Variants in DCAF6 observed in about 807,000 individuals in gnomAD.
DCAF6 encodes the protein DDB1 and CUL4 associated factor 6.
In DCAF6, 54 loss-of-function variants were observed where a neutral mutation model predicts 125.1. That is an observed-to-expected ratio of 0.43 (90% confidence interval 0.35 to 0.54). DCAF6 has a LOEUF of 0.54. Ranked by LOEUF, DCAF6 falls within the 20% of genes least tolerant of loss-of-function variation. The pLI, the probability that DCAF6 is intolerant of heterozygous loss-of-function variation, is 0.01. For synonymous variants in DCAF6, 371 were observed against 390.4 expected (o/e 0.95, Z 0.58); for missense variants, 934 against 1,161.7 (o/e 0.80, Z 2.85).
intron 11 of DCAF6, among the ~76,000 whole-genome samples, chr1:168,019,142 G>A (rs145213378): frequency 6.6e-6 from 1 of 151,430 alleles, no homozygotes; most frequent in African/African-American, 2.4e-5. Flanking sequence ...TCCACCTCCC[G>A]GGTTCAAGTG....
At chr1:167,883,411 G>A in the DCAF6 span, 5 of 1,611,754 alleles carry the variant, frequency 3.1e-6, no homozygotes, top group South Asian at 5.5e-5. Context: ...CTATTGGTAG[G>A]TTCCCATCCC....
intron 1 of DCAF6, among the ~76,000 whole-genome samples, chr1:167,947,472 G>A (rs1220996319): frequency 2.0e-5 from 3 of 151,554 alleles, no homozygotes; most frequent in African/African-American, 4.8e-5. Flanking sequence ...TTATTAACTT[G>A]TAATCTTTCT....
At chr1:168,015,619 A>C (rs1252399137) in intron 10 of DCAF6, among the ~76,000 whole-genome samples, 162 bp from the exon 11 acceptor site, 7 of 152,208 alleles carry the variant, frequency 4.6e-5, no homozygotes, top group Non-Finnish European at 1.0e-4. Context: ...ATTGTCTCAT[A>C]ATTTAATGAC....
At chr1:167,898,201 G>T in the DCAF6 span, among the ~76,000 whole-genome samples, 3 of 151,530 alleles carry the variant, frequency 2.0e-5, no homozygotes, top group African/African-American at 7.3e-5. Flanking sequence ...GTTAACATTA[G>T]GGGAAGGTAG....
At chr1:167,966,257 T>G (rs1354466469) in intron 2 of DCAF6, among the ~76,000 whole-genome samples, 2 of 152,240 alleles carry the variant, frequency 1.3e-5, no homozygotes, top group African/African-American at 2.4e-5. Context: ...GGAAGCTTGT[T>G]TTTTTAATAC....
intron 3 of DCAF6, chr1:167,969,224 T>C (rs1258948113): frequency 6.6e-6 from 1 of 152,192 alleles, no homozygotes; most frequent in Admixed American, 6.5e-5. Flanking sequence ...GATGTTTGAA[T>C]GGGCCTGGCT....
chr1:167,971,467 GT>G (rs1571732614), intron 3 of DCAF6, among the ~76,000 whole-genome samples: 1 of 152,058 alleles, frequency 6.6e-6, no homozygotes, highest in Non-Finnish European at 1.5e-5. Context: ...CTCAGACAGG[GT>G]TATGGGTCAG....
chr1:168,002,443 TTTAGACTTACATAGAA>T, intron 7 of DCAF6, 23 bp from the exon 8 acceptor site: 2 of 1,572,754 alleles, frequency 1.3e-6, no homozygotes, highest in Non-Finnish European at 1.7e-6. Context: ...GTAGATGAGT[TTTAGACTTACATAGAA>T]TTTACCCGTT....
At chr1:167,939,759 C>T (rs1424386895) in intron 1 of DCAF6, among the ~76,000 whole-genome samples, 5 of 132,952 alleles carry the variant, frequency 3.8e-5, no homozygotes, top group Non-Finnish European at 6.6e-5. Flanking sequence ...GGAAACTCTG[C>T]GTCATAAATA....
chr1:167,875,565 C>T, the DCAF6 span, among the ~76,000 whole-genome samples: 26 of 152,350 alleles, frequency 1.7e-4, no homozygotes, highest in Non-Finnish European at 3.7e-4. Context: ...AATAATAGCG[C>T]GCCTTTTATT....
At chr1:167,901,558 C>T in the DCAF6 span, 1 of 1,209,488 alleles carries the variant, frequency 8.3e-7, no homozygotes, top group Non-Finnish European at 1.2e-6. Context: ...CATCATGGGG[C>T]TGAGCCACCA....
the DCAF6 span, chr1:167,878,603 T>C: frequency 6.2e-6 from 10 of 1,614,160 alleles, no homozygotes; most frequent in East Asian, 2.2e-4. Context: ...TACATCATCA[T>C]CCTGGCAGCT....
the DCAF6 span, among the ~76,000 whole-genome samples, chr1:167,874,488 G>A: frequency 1.4e-4 from 22 of 152,272 alleles, no homozygotes; most frequent in African/African-American, 5.3e-4. Context: ...CTAAGTTGTT[G>A]CCAAAGATGA....
At chr1:167,942,543 TTA>T (rs1303969472) in intron 1 of DCAF6, among the ~76,000 whole-genome samples, 2 of 152,236 alleles carry the variant, frequency 1.3e-5, no homozygotes, top group Non-Finnish European at 2.9e-5. Flanking sequence ...TTCTGTCAGT[TTA>T]TGTCTTTTTC....
At chr1:167,886,520 T>G in the DCAF6 span, among the ~76,000 whole-genome samples, 1 of 152,186 alleles carries the variant, frequency 6.6e-6, no homozygotes, top group Non-Finnish European at 1.5e-5. Flanking sequence ...ACTGGATCCC[T>G]TCCTTCCACC....
At chr1:167,921,531 A>C in the DCAF6 span, among the ~76,000 whole-genome samples, 2 of 152,056 alleles carry the variant, frequency 1.3e-5, no homozygotes, top group Non-Finnish European at 2.9e-5. Flanking sequence ...CTTGGCTGTT[A>C]CGCCATTTTT....
chr1:168,063,012 T>C (rs570685871), intron 17 of DCAF6, among the ~76,000 whole-genome samples: 9 of 151,388 alleles, frequency 5.9e-5, no homozygotes, highest in Admixed American at 3.3e-4. Flanking sequence ...CCCGGGTTCA[T>C]GCCATTCTCC....
chr1:168,006,023 T>C (rs1396984077), intron 10 of DCAF6, among the ~76,000 whole-genome samples: 1 of 152,150 alleles, frequency 6.6e-6, no homozygotes, highest in African/African-American at 2.4e-5. Flanking sequence ...AGCAAGAATT[T>C]TTAAAGTGAT....
rs370940214 is a variant in DCAF6, at chr1:168,057,934, T to C, written c.2301-5687T>C. ...GTAACTTAAATCTACCTGTTCACCCTATTTTGTCCATCTGCCTACCACGCC... is the reference window on the plus strand; with the variant it reads ...GTAACTTAAATCTACCTGTTCACCCCATTTTGTCCATCTGCCTACCACGCC... On this transcript the variant is annotated intron_variant, in intron 17 of 21. Transcript: ENST00000367840. Among the ~76,000 whole-genome samples the C allele has an allele frequency of 7.7e-4, 117 of 152,368 alleles. 1 individual carries two copies. The South Asian group carries it at 0.022, about 29-fold the overall frequency.
Sources: allele counts gnomAD v4.1 joint callset (sites outside exome capture counted in the v4.1 genomes callset), GRCh38; gene constraint gnomAD v4.1.1; transcripts MANE v1.5; gene names NCBI Gene and HGNC (gene_info 2026-07-23, HGNC 2026-07-21).